The following ERC1 variants were observed in gnomAD, a reference collection of about 807,000 sequenced individuals.
The protein encoded by ERC1 is RAB6 interacting protein 2.
ERC1 carries 56 observed loss-of-function variants against 132.0 expected under a neutral mutation model. The ratio of observed to expected loss-of-function variants is 0.42; its 90% CI spans 0.34 to 0.53. The LOEUF is 0.53. Among genes scored for constraint, ERC1 ranks in the 20% least tolerant of loss-of-function variants. ERC1 has a pLI of 0.03. For synonymous variants in ERC1, 478 were observed against 476.1 expected (o/e 1.00, Z -0.05); for missense variants, 1,202 against 1,349.9 (o/e 0.89, Z 1.72).
intron 18 of ERC1, among the ~76,000 whole-genome samples, chr12:1,465,665 A>T (rs1005848273): frequency 6.6e-6 from 1 of 152,150 alleles, no homozygotes; most frequent in African/African-American, 2.4e-5. Context: ...GCCATTCTCC[A>T]CTTGACTCCC....
At chr12:1,326,745 G>A (rs2082471039) in intron 15 of ERC1, among the ~76,000 whole-genome samples, 1 of 152,186 alleles carries the variant, frequency 6.6e-6, no homozygotes, top group African/African-American at 2.4e-5. Flanking sequence ...AATGTTGTCA[G>A]TCATTTTAAA....
chr12:1,117,114 A>G (rs1946539734), intron 7 of ERC1, among the ~76,000 whole-genome samples: 1 of 152,238 alleles, frequency 6.6e-6, no homozygotes, highest in Admixed American at 6.5e-5. Flanking sequence ...AGTGAAATAG[A>G]TAATTTAAGA....
At chr12:1,410,141 T>C (rs983065297) in intron 17 of ERC1, among the ~76,000 whole-genome samples, 5 of 152,190 alleles carry the variant, frequency 3.3e-5, no homozygotes, top group Non-Finnish European at 7.3e-5. Context: ...GATTTATATA[T>C]ATATATGTAT....
intron 17 of ERC1, among the ~76,000 whole-genome samples, chr12:1,428,117 A>C (rs754152401): frequency 6.6e-6 from 1 of 152,132 alleles, no homozygotes; most frequent in African/African-American, 2.4e-5. Context: ...GATTATGGGC[A>C]TTTTACTAAT....
rs1375820934 is a variant in ERC1 at position 1,198,932 on chromosome 12, GGGAT to G, written c.2351+8881_2351+8884del. Among the ~76,000 whole-genome samples, 102 of 147,066 alleles carry G rather than the reference GGGAT, an allele frequency of 6.9e-4. 2 individuals are homozygous for G. Among genetic ancestry groups the G allele is most frequent in the African/African-American group, 2.6e-3 (98 of 37,570 alleles). On this transcript the variant is annotated intron_variant, in intron 12 of 18. Transcript: ENST00000360905. ...CCACCAGGCCCCACCTCCAACACTG[GGGAT>G]CACAGTTCAACATGAGATTTGGGTG...
At chr12:1,293,648 G>T (rs1281527819) in intron 15 of ERC1, among the ~76,000 whole-genome samples, 1 of 151,356 alleles carries the variant, frequency 6.6e-6, no homozygotes, top group African/African-American at 2.4e-5. Context: ...AAAAAAAATT[G>T]TGGGGTTGTT....
intron 18 of ERC1, among the ~76,000 whole-genome samples, chr12:1,469,385 C>T (rs996255935): frequency 2.0e-5 from 3 of 152,226 alleles, no homozygotes; most frequent in Admixed American, 2.0e-4. Context: ...TGATTCCATG[C>T]CTTTGGTCTG....
intron 2 of ERC1, among the ~76,000 whole-genome samples, chr12:1,043,335 G>T (rs527558083): frequency 1.3e-5 from 2 of 152,102 alleles, no homozygotes; most frequent in African/African-American, 2.4e-5. Context: ...GAGCCACTGC[G>T]CCCGGCCTGT....
intron 12 of ERC1, among the ~76,000 whole-genome samples, chr12:1,203,349 C>G (rs1007929192): frequency 1.3e-5 from 2 of 152,186 alleles, no homozygotes; most frequent in Admixed American, 6.5e-5. Flanking sequence ...TGAGCCACTG[C>G]GCCTGCCCGG....
chr12:1,124,136 A>G lies in ERC1; in HGVS notation c.1569+8103A>G, dbSNP rs10505723. On this transcript the variant is annotated intron_variant, in intron 7 of 18. Coordinates refer to ENST00000360905, the MANE Select transcript of ERC1 (RefSeq NM_178040.4). The stretch of plus-strand genomic sequence containing the variant: ...TAATAACATTAACAAGCTCAAGTTC[A>G]TAGATGTGTATATAGAATTTTGTCC... Among the ~76,000 whole-genome samples the G allele has an allele frequency of 1.9e-3, 289 of 152,350 alleles. 8 individuals are homozygous for G. In the East Asian group the frequency reaches 0.046, roughly 24 times the overall value.
intron 15 of ERC1, among the ~76,000 whole-genome samples, chr12:1,314,856 C>G (rs1334661526): frequency 6.6e-6 from 1 of 152,088 alleles, no homozygotes; most frequent in African/African-American, 2.4e-5. Context: ...TTGGTCTTGT[C>G]TATTTTACCT....
intron 18 of ERC1, among the ~76,000 whole-genome samples, chr12:1,479,664 TTCAGTGCCC>T (rs2094046416): frequency 6.6e-6 from 1 of 152,144 alleles, no homozygotes; most frequent in Non-Finnish European, 1.5e-5. Flanking sequence ...ACGGGCAGGA[TTCAGTGCCC>T]TCAGAAGCCA....
At chr12:1,150,672 G>T (rs978127471) in intron 8 of ERC1, among the ~76,000 whole-genome samples, 4 of 151,330 alleles carry the variant, frequency 2.6e-5, no homozygotes, top group Non-Finnish European at 5.9e-5. Context: ...TCAGCTCTGT[G>T]GTTCTCTTCC....
At chr12:1,410,110 A>G (rs1052517881) in intron 17 of ERC1, among the ~76,000 whole-genome samples, 1 of 152,048 alleles carries the variant, frequency 6.6e-6, no homozygotes, top group Non-Finnish European at 1.5e-5. Context: ...TTTTATTATC[A>G]ATGCATTGTT....
intron 12 of ERC1, among the ~76,000 whole-genome samples, chr12:1,203,168 G>T (rs1957066843): frequency 6.6e-6 from 1 of 152,106 alleles, no homozygotes; most frequent in Non-Finnish European, 1.5e-5. Flanking sequence ...ACCGATTCTT[G>T]TGCCTCAGCC....
intron 18 of ERC1, among the ~76,000 whole-genome samples, chr12:1,462,748 G>A (rs1296775955): frequency 6.6e-6 from 1 of 152,134 alleles, no homozygotes; most frequent in African/African-American, 2.4e-5. Flanking sequence ...AGATGGCCAT[G>A]TGGGTAGATA....
At chr12:1,460,527 GT>G in intron 18 of ERC1, among the ~76,000 whole-genome samples, 1 of 152,256 alleles carries the variant, frequency 6.6e-6, no homozygotes, top group Non-Finnish European at 1.5e-5. Context: ...TACCATTACA[GT>G]GTTTAATTGT....
intron 16 of ERC1, among the ~76,000 whole-genome samples, chr12:1,385,473 CG>C (rs1330180948): frequency 3.3e-5 from 5 of 152,076 alleles, no homozygotes; most frequent in East Asian, 3.9e-4. Context: ...TTAGTAGAGA[CG>C]GGGGTTTCAC....
At chr12:1,126,201 AAAGAG>A (rs1007436322) in intron 7 of ERC1, among the ~76,000 whole-genome samples, 8 of 152,228 alleles carry the variant, frequency 5.3e-5, no homozygotes, top group Non-Finnish European at 7.3e-5. Context: ...CATTAAACAA[AAAGAG>A]AAGAGAAGAT....
Sources: allele counts gnomAD v4.1 joint callset (sites outside exome capture counted in the v4.1 genomes callset), GRCh38; gene constraint gnomAD v4.1.1; transcripts MANE v1.5; gene names NCBI Gene and HGNC (gene_info 2026-07-23, HGNC 2026-07-21).